The following GALNT13 variants were observed in gnomAD, a reference collection of about 807,000 sequenced individuals.
GALNT13 encodes UDP-GalNAc:polypeptide N-acetylgalactosaminyltransferase 13.
GALNT13 carries 28 observed loss-of-function variants against 64.2 expected under a neutral mutation model. The observed-to-expected ratio is 0.44, with a 90% confidence interval of 0.32 to 0.60. GALNT13 has a LOEUF of 0.60. GALNT13 is among the 20% of genes least tolerant of loss of function. The pLI is 0.05. For synonymous variants in GALNT13, 214 were observed against 224.6 expected, an observed-to-expected ratio of 0.95 and a Z score of 0.42; for missense variants, 577 against 669.8, an observed-to-expected ratio of 0.86 and a Z score of 1.53.
chr2:154,450,261 G>A, intron 12 of GALNT13, 150 bp from the exon 13 acceptor site: 1 of 514,372 alleles, frequency 1.9e-6, no homozygotes, highest in Non-Finnish European at 3.3e-6. Context: ...TTAATCCAGG[G>A]ACACCTGTGC....
chr2:153,344,874 A>G, the GALNT13 span, among the ~76,000 whole-genome samples: 3 of 152,216 alleles, frequency 2.0e-5, no homozygotes, highest in South Asian at 2.1e-4. Flanking sequence ...AATGTATACA[A>G]TTTGAATTTC....
upstream of GALNT13, among the ~76,000 whole-genome samples, chr2:153,869,288 TA>T (rs1459485317): frequency 1.3e-5 from 2 of 152,202 alleles, no homozygotes; most frequent in African/African-American, 4.8e-5. Context: ...TTTTTATTAA[TA>T]TTTTGAATTA....
intron 4 of GALNT13, among the ~76,000 whole-genome samples, chr2:154,175,540 A>G (rs1351825448): frequency 6.6e-6 from 1 of 152,162 alleles, no homozygotes; most frequent in African/African-American, 2.4e-5. Flanking sequence ...GCTAATTTGG[A>G]ACAAGCAGGA....
At chr2:153,277,891 G>T in the GALNT13 span, among the ~76,000 whole-genome samples, 2 of 126,182 alleles carry the variant, frequency 1.6e-5, no homozygotes, top group East Asian at 2.1e-4. Context: ...TTGTTGAATT[G>T]CTTGAGTTTC....
chr2:153,851,118 T>A, the GALNT13 span, among the ~76,000 whole-genome samples: 1 of 152,042 alleles, frequency 6.6e-6, no homozygotes, highest in Non-Finnish European at 1.5e-5. Context: ...TAACTTATCA[T>A]AATCAAATTA....
the GALNT13 span, among the ~76,000 whole-genome samples, chr2:153,790,964 A>T: frequency 3.5e-4 from 53 of 152,316 alleles, no homozygotes; most frequent in African/African-American, 1.2e-3. Flanking sequence ...GACACAAACA[A>T]ATGGAAAGAT....
At chr2:154,439,729 T>A (rs1326407898) in intron 12 of GALNT13, among the ~76,000 whole-genome samples, 1 of 152,198 alleles carries the variant, frequency 6.6e-6, no homozygotes, top group Non-Finnish European at 1.5e-5. Flanking sequence ...TTAAGTTGAA[T>A]ACTAGAAAAA....
At chr2:154,327,162 T>C (rs191744352) in intron 9 of GALNT13, among the ~76,000 whole-genome samples, 129 of 152,034 alleles carry the variant, frequency 8.5e-4, no homozygotes, top group African/African-American at 3.0e-3. Flanking sequence ...GATCTGACGG[T>C]TTTATAAGGG....
intron 3 of GALNT13, among the ~76,000 whole-genome samples, chr2:154,072,219 C>T (rs940149124): frequency 6.6e-6 from 1 of 152,068 alleles, no homozygotes; most frequent in Non-Finnish European, 1.5e-5. Context: ...AATTTATGCT[C>T]ATGTTATTCA....
intron 3 of GALNT13, among the ~76,000 whole-genome samples, chr2:153,989,318 C>T (rs530328593): frequency 3.3e-5 from 5 of 151,890 alleles, no homozygotes; most frequent in East Asian, 3.9e-4. Context: ...TATCCCTCTA[C>T]TGCTTGAAAA....
chr2:153,170,350 C>T, the GALNT13 span, among the ~76,000 whole-genome samples: 1 of 151,882 alleles, frequency 6.6e-6, no homozygotes, highest in Non-Finnish European at 1.5e-5. Flanking sequence ...AAAGCCACAT[C>T]TTGTTAAGAT....
At position 153,983,057 on chromosome 2, in the gene GALNT13, A is replaced by C. The variant is rs190657836; in HGVS notation, c.142+38418A>C. Among the ~76,000 whole-genome samples the C allele has an allele frequency of 1.1e-3, 165 of 152,124 alleles. 3 individuals carry two copies. The East Asian group carries it at 0.025, about 23-fold the overall frequency. ...AATAACAATTTTATAAAGTTAATTT[A>C]TCAGAAAACTAAAAAGCGATATTGA... is the stretch of plus-strand genomic sequence containing the variant. On this transcript the variant is annotated intron_variant, in intron 3 of 12. Coordinates refer to ENST00000392825, the MANE Select transcript of GALNT13 (RefSeq NM_052917.4).
chr2:153,337,268 A>G, the GALNT13 span, among the ~76,000 whole-genome samples: 1 of 152,354 alleles, frequency 6.6e-6, no homozygotes, highest in South Asian at 2.1e-4. Flanking sequence ...ACTTAGAATC[A>G]GTGGGAATCT....
chr2:153,848,395 C>A, the GALNT13 span, among the ~76,000 whole-genome samples: 8 of 152,062 alleles, frequency 5.3e-5, no homozygotes, highest in African/African-American at 1.9e-4. Context: ...TAGTGTTAGG[C>A]TGAAAATCAG....
the GALNT13 span, among the ~76,000 whole-genome samples, chr2:153,195,852 A>G: frequency 6.6e-6 from 1 of 152,204 alleles, no homozygotes; most frequent in African/African-American, 2.4e-5. Flanking sequence ...AGAACAGCTC[A>G]GAGGAGACCC....
chr2:153,935,991 G>A (rs936185106), intron 2 of GALNT13, among the ~76,000 whole-genome samples: 2 of 152,292 alleles, frequency 1.3e-5, no homozygotes, highest in South Asian at 2.1e-4. Flanking sequence ...TTAAATGCAA[G>A]TGGAACAGAG....
At chr2:154,330,490 T>C (rs1036062426) in intron 9 of GALNT13, among the ~76,000 whole-genome samples, 7 of 152,098 alleles carry the variant, frequency 4.6e-5, no homozygotes, top group African/African-American at 9.7e-5. Flanking sequence ...ATCACCTTGC[T>C]CCCTAATTTA....
intron 8 of GALNT13, chr2:154,287,358 TCTCATA>T: frequency 1.8e-6 from 1 of 555,280 alleles, no homozygotes. Flanking sequence ...GCATTCCAGC[TCTCATA>T]CTCTGGGAAC....
At chr2:153,746,610 G>T in the GALNT13 span, among the ~76,000 whole-genome samples, 1 of 152,112 alleles carries the variant, frequency 6.6e-6, no homozygotes, top group African/African-American at 2.4e-5. Flanking sequence ...TTTAGTACAT[G>T]TCTTTTGGAG....
Sources: allele counts gnomAD v4.1 joint callset (sites outside exome capture counted in the v4.1 genomes callset), GRCh38; gene constraint gnomAD v4.1.1; transcripts MANE v1.5; gene names NCBI Gene and HGNC (gene_info 2026-07-23, HGNC 2026-07-21).